ABCC6: variants seen among roughly 807,000 people sequenced by gnomAD.
ABCC6 encodes the protein ATP-binding cassette sub-family C member 6.
Under a neutral mutation model 169.5 loss-of-function variants are expected in ABCC6, and 126 were observed. The observed-to-expected ratio is 0.74, with a 90% CI of 0.64 to 0.86. ABCC6 has a LOEUF of 0.86. Ranked by LOEUF, ABCC6 falls within the 40% of genes least tolerant of loss-of-function variation. The pLI, the probability that ABCC6 is intolerant of heterozygous loss-of-function variation, is 0.00. For missense variants in ABCC6, 1,733 were observed against 1,927.2 expected, an observed-to-expected ratio of 0.90 and a Z score of 1.89; for synonymous variants, 752 against 814.7, an observed-to-expected ratio of 0.92 and a Z score of 1.31.
Position 16,150,917 on chromosome 16 carries a change from T to TGGTCTGC in ABCC6, c.4209-152_4209-146dup, listed in dbSNP as rs2046369641. ...CCCCACACATGGGGTCTGGGGTCTG[T>TGGTCTGC]GGTCTGCAGAACTGATAGGAAGCCT... On this transcript the variant is annotated intron_variant, in intron 29 of 30. Transcript: ENST00000205557. The TGGTCTGC allele has an allele frequency of 2.7e-6, 4 of 1,490,256 alleles. No individual in the cohort carries two copies. In the Admixed American group the frequency reaches 8.1e-5, roughly 30 times the overall value. The allele number at this position is 1,490,256 out of a possible 1,614,324, so 92.3% of individuals were successfully genotyped here. A position where few individuals can be genotyped will look rare whatever the true frequency, so the allele number is the denominator to read the frequency against.
chr16:16,208,599 C>G (rs1351674461), intron 7 of ABCC6, 129 bp downstream of exon 7: 6 of 1,480,178 alleles, frequency 4.1e-6, no homozygotes, highest in Admixed American at 3.4e-5. Flanking sequence ...GTCTTGAACT[C>G]CTGACCTTGT....
intron 10 of ABCC6, among the ~76,000 whole-genome samples, chr16:16,196,878 CT>C (rs2048055811): frequency 6.6e-6 from 1 of 151,896 alleles, no homozygotes; most frequent in African/African-American, 2.4e-5. Context: ...ATTTTTGTAT[CT>C]TTCAGTAGAG....
Position 16,182,491 on chromosome 16 carries a change from T to G in ABCC6, c.2168A>C (p.Glu723Ala). Residue 723 changes from glutamate to alanine, a missense_variant, in exon 17 of 31, where the codon GAG becomes GCG. By Grantham distance (107) the Glu-to-Ala change is moderately radical (BLOSUM62 -1). This residue lies in a region of ABCC6 where 1,601 missense variants were observed against 1,635.5 expected (regional missense o/e 0.98). Coordinates refer to ENST00000205557, the MANE Select transcript of ABCC6 (RefSeq NM_001171.6). ...CAGGGCACAGGCTTCTAGTACTCTC[T>G]CCAGCCAGGGTGGGTCCAGCTCCTG... ...FGQELDPPWL[E>A]RVLEACALQP... 1 of 1,614,164 alleles carries G rather than the reference T, an allele frequency of 6.2e-7. No homozygotes were observed. The highest frequency in any genetic ancestry group is 8.5e-7 in the Non-Finnish European group (1 of 1,180,034).
intron 9 of ABCC6, 128 bp downstream of exon 9, chr16:16,201,873 G>A: frequency 9.8e-7 from 1 of 1,022,346 alleles, no homozygotes; most frequent in Non-Finnish European, 1.5e-6. Context: ...AAGGAAGTGA[G>A]AATGTATGGT....
intron 29 of ABCC6, 41 bp downstream of exon 29, chr16:16,154,585 CCT>C: frequency 1.2e-6 from 2 of 1,610,546 alleles, no homozygotes; most frequent in Non-Finnish European, 1.7e-6. Flanking sequence ...GCCATCCCCT[CCT>C]CTCCCACCTG....
rs777566074 is a variant in ABCC6 at position 16,221,677 on chromosome 16, C to T, written c.191G>A (p.Arg64Gln). The T allele has an allele frequency of 2.9e-5, 46 of 1,613,558 alleles. No individual in the cohort carries two copies. The Middle Eastern group carries it at 4.9e-4, about 17-fold the overall frequency. Residue 64 changes from arginine to glutamine, a missense_variant, in exon 2 of 31, where the codon CGG becomes CAG. Coordinates refer to ENST00000205557, the MANE Select transcript of ABCC6 (RefSeq NM_001171.6). ...CTTGGCTTTGAAGAGTGGGGACATC[C>T]GGAGGTAGCCCCGGCCATGGTGGTG... is the stretch of plus-strand genomic sequence containing the variant. Reference protein sequence around the residue: ...FIHHHGRGYLRMSPLFKAKMV... With the variant: ...FIHHHGRGYLQMSPLFKAKMV...
At chr16:16,214,208 T>G in intron 5 of ABCC6, 116 bp downstream of exon 5, 1 of 1,544,254 alleles carries the variant, frequency 6.5e-7, no homozygotes, top group African/African-American at 1.4e-5. Context: ...AGTAGAAATG[T>G]GGTACACTTT....
intron 17 of ABCC6, among the ~76,000 whole-genome samples, chr16:16,181,272 G>A (rs1420484911): frequency 1.1e-4 from 17 of 150,898 alleles, no homozygotes; most frequent in Admixed American, 6.6e-4. Context: ...GAACTCAGGA[G>A]GTGGAGGTTA....
rs377115141 is a variant in ABCC6 at position 16,157,833 on chromosome 16, T to A, written c.3736-24A>T. On this transcript the variant is annotated intron_variant, in intron 26 of 30. Coordinates refer to ENST00000205557, the MANE Select transcript of ABCC6 (RefSeq NM_001171.6). ...GCCTGGAGCAGGAGGGGAAACTGAG[T>A]CAGAGGAGCCTTCCTCTAAGACTTC... 1.9e-6 allele frequency: 3 copies of A among 1,603,242 alleles called. No homozygotes were observed. The African/African-American group carries it at 4.0e-5, about 21-fold the overall frequency.
Position 16,219,796 on chromosome 16 carries a change from G to A in ABCC6, c.345+26C>T, listed in dbSNP as rs56019914. The A allele has an allele frequency of 0.035, 50,345 of 1,456,484 alleles. 953 individuals carry two copies. Among genetic ancestry groups the A allele is most frequent in the African/African-American group, 0.046 (3,212 of 69,602 alleles). 90.2% of individuals were successfully genotyped at this position (1,456,484 alleles called of 1,614,324 possible). A position where few individuals can be genotyped will look rare whatever the true frequency, so the allele number is the denominator to read the frequency against. On this transcript the variant is annotated intron_variant, in intron 3 of 30. Coordinates refer to ENST00000205557, the MANE Select transcript of ABCC6 (RefSeq NM_001171.6). ...GCAAAGCAGCAGCTGGGAGGAAGCC[G>A]GGCTCCAGACTGAAGGCATCATTAC...
chr16:16,180,765 A>G (rs1438442155), intron 17 of ABCC6, among the ~76,000 whole-genome samples: 1 of 152,024 alleles, frequency 6.6e-6, no homozygotes, highest in Non-Finnish European at 1.5e-5. Context: ...TGCTGGGATT[A>G]CAGGCATGAG....
Position 16,169,873 on chromosome 16 carries a change from G to C in ABCC6, c.2788-20C>G, listed in dbSNP as rs1319921909. ...CTTCACCTGTAGCACACATGAGGGA[G>C]AGGGAGGCAGAGAGAGCCCCCAGTG... On this transcript the variant is annotated intron_variant, in intron 21 of 30. Coordinates refer to ENST00000205557, the MANE Select transcript of ABCC6 (RefSeq NM_001171.6). 6.5e-7 allele frequency: 1 copy of C among 1,550,016 alleles called. No homozygotes were observed. Among genetic ancestry groups the C allele is most frequent in the African/African-American group, 1.4e-5 (1 of 73,120 alleles).
intron 22 of ABCC6, among the ~76,000 whole-genome samples, chr16:16,167,964 G>A (rs1187364819): frequency 6.6e-6 from 1 of 152,182 alleles, no homozygotes; most frequent in Non-Finnish European, 1.5e-5. Flanking sequence ...GGCTGACTCT[G>A]AGAATCCCTA....
intron 24 of ABCC6, 95 bp downstream of exon 24, chr16:16,162,898 C>T (rs1222484936): frequency 1.1e-5 from 17 of 1,520,166 alleles, no homozygotes; most frequent in Non-Finnish European, 1.5e-5. Context: ...CCCTGACTCT[C>T]TGGGTGACCT....
intron 13 of ABCC6, among the ~76,000 whole-genome samples, chr16:16,188,318 C>T (rs113678570): frequency 4.6e-5 from 7 of 150,802 alleles, no homozygotes; most frequent in Admixed American, 2.0e-4. Flanking sequence ...CTTGAATCTG[C>T]GAGGTAGATC....
intron 4 of ABCC6, 83 bp downstream of exon 4, chr16:16,219,471 T>G (rs1265804809): frequency 4.4e-6 from 4 of 911,054 alleles, no homozygotes; most frequent in Non-Finnish European, 6.8e-6. Context: ...ATAAGTTGTA[T>G]GTGGAAACAG....
chr16:16,154,436 A>G (rs2046474568), intron 29 of ABCC6, among the ~76,000 whole-genome samples, 192 bp downstream of exon 29: 1 of 152,146 alleles, frequency 6.6e-6, no homozygotes, highest in Non-Finnish European at 1.5e-5. Context: ...ACTAACTGCT[A>G]ATTTAGGGGG....
intron 7 of ABCC6, among the ~76,000 whole-genome samples, chr16:16,206,047 C>T (rs1030810936): frequency 2.0e-5 from 3 of 152,136 alleles, no homozygotes; most frequent in Non-Finnish European, 4.4e-5. Context: ...AAAATGGGGT[C>T]GGGGAAGAGT....
chr16:16,182,486 C>G lies in ABCC6; in HGVS notation c.2173G>C (p.Val725Leu). ...GGCTGCAGGGCACAGGCTTCTAGTA[C>G]TCTCTCCAGCCAGGGTGGGTCCAGC... ...QELDPPWLER[V>L]LEACALQPDV... is the part of the protein sequence containing the mutation. Residue 725 changes from valine to leucine, a missense_variant, in exon 17 of 31, where the codon GTA becomes CTA. Around this residue, in one of 5 missense-constraint regions of ABCC6, gnomAD observed 1,601 missense variants for 1,635.5 expected, o/e 0.98. Transcript: ENST00000205557. 6.2e-7 allele frequency: 1 copy of G among 1,614,218 alleles called. No individual in the cohort carries two copies. Among genetic ancestry groups the G allele is most frequent in the Non-Finnish European group, 8.5e-7 (1 of 1,180,048 alleles).
Sources: allele counts gnomAD v4.1 joint callset (sites outside exome capture counted in the v4.1 genomes callset), GRCh38; gene constraint gnomAD v4.1.1; regional missense constraint gnomAD v4.1.1; transcripts MANE v1.5; gene names NCBI Gene and HGNC (gene_info 2026-07-23, HGNC 2026-07-21).